Variants in CD5L observed in about 807,000 individuals in gnomAD.
CD5L encodes the protein CD5 antigen-like.
Under a neutral mutation model 40.8 loss-of-function variants are expected in CD5L, and 39 were observed. The observed-to-expected ratio is 0.96, with a 90% CI of 0.74 to 1.25. The LOEUF (loss-of-function observed/expected upper bound fraction) is 1.25. Ranked by LOEUF, CD5L falls within the 50% of genes most tolerant of loss-of-function variation. The probability of loss-of-function intolerance (pLI) is 0.00; values close to 1 mark genes in which losing one functional copy is unlikely to be tolerated. For synonymous variants in CD5L, 192 were observed against 169.6 expected (o/e 1.13, Z -1.03); for missense variants, 433 against 435.9 (o/e 0.99, Z 0.06).
intron 2 of CD5L, among the ~76,000 whole-genome samples, chr1:157,838,907 C>T (rs1189431397): frequency 6.6e-6 from 1 of 152,150 alleles, no homozygotes; most frequent in East Asian, 1.9e-4. Flanking sequence ...TTGTGCATTA[C>T]CCAAAGACTC....
At position 157,831,760 on chromosome 1, in the gene CD5L, C is replaced by T; in HGVS notation, c.*204G>A. The T allele has an allele frequency of 1.6e-6, 2 of 1,279,474 alleles. No homozygotes were observed. The highest frequency in any genetic ancestry group is 2.0e-6 in the Non-Finnish European group (2 of 1,008,110). The allele number at this position is 1,279,474 out of a possible 1,614,324, so 79.3% of individuals were successfully genotyped here. On this transcript the variant is annotated 3_prime_UTR_variant, in exon 6 of 6. Transcript: ENST00000368174. Reference sequence around the variant, plus strand: ...GCTCATCTTCCCCAGCAAGAGGGAACTCAACAGCTCACATCTACAGGCAGC... The same window carrying T: ...GCTCATCTTCCCCAGCAAGAGGGAATTCAACAGCTCACATCTACAGGCAGC...
chr1:157,827,175 A>G (rs1264639712), downstream of CD5L, among the ~76,000 whole-genome samples: 1 of 152,066 alleles, frequency 6.6e-6, no homozygotes, highest in East Asian at 1.9e-4. Flanking sequence ...AATTCAGAAA[A>G]TTTATCCTTA....
intron 5 of CD5L, 27 bp from the exon 6 acceptor site, chr1:157,831,995 A>G (rs757671377): frequency 1.6e-5 from 24 of 1,523,414 alleles, no homozygotes; most frequent in Middle Eastern, 3.4e-4. Flanking sequence ...AAAATGCAGT[A>G]AGGATGGGTA....
downstream of CD5L, among the ~76,000 whole-genome samples, chr1:157,828,398 C>CA (rs1655958987): frequency 6.6e-6 from 1 of 152,172 alleles, no homozygotes; most frequent in Non-Finnish European, 1.5e-5. Flanking sequence ...CTGTGATGGA[C>CA]AGGTCCTATG....
chr1:157,834,611 C>G lies in CD5L; in HGVS notation c.514G>C (p.Ala172Pro), dbSNP rs747471540. The G allele has an allele frequency of 1.2e-6, 2 of 1,614,068 alleles. No homozygotes were observed. Among genetic ancestry groups the G allele is most frequent in the African/African-American group, 2.7e-5 (2 of 74,940 alleles). Residue 172 changes from alanine to proline, a missense_variant, in exon 4 of 6, where the codon GCA becomes CCA. Ala to Pro is a conservative substitution (Grantham distance 27, BLOSUM62 -1). Transcript: ENST00000368174. ...VCQTGWSLRAAKVVCRQLGCG... is the reference protein window; with the variant it reads ...VCQTGWSLRAPKVVCRQLGCG... Reference sequence around the variant, plus strand: ...CCCAGCTGCCGGCACACCACCTTTGCGGCCCGGAGGCTCCAGCCTGTCTGG... The same window carrying G: ...CCCAGCTGCCGGCACACCACCTTTGGGGCCCGGAGGCTCCAGCCTGTCTGG...
At position 157,833,160 on chromosome 1, in the gene CD5L, C is replaced by T. The variant is rs775274771; in HGVS notation, c.1039+32G>A. The T allele has an allele frequency of 2.6e-6, 4 of 1,534,898 alleles. No individual in the cohort carries two copies. The East Asian group carries it at 9.0e-5, about 35-fold the overall frequency. ...CCTCTTCCTTTATCATCCTCCTTGC[C>T]AGCCCTTATGAACTCCATCTGTAGG... is the stretch of plus-strand genomic sequence containing the variant. On this transcript the variant is annotated intron_variant, in intron 5 of 5. Coordinates refer to ENST00000368174, the MANE Select transcript of CD5L (RefSeq NM_005894.3).
At chr1:157,834,348 T>G in intron 4 of CD5L, 59 bp downstream of exon 4, 686 of 1,380,604 alleles carry the variant, frequency 5.0e-4, no homozygotes, top group Non-Finnish European at 6.2e-4. Flanking sequence ...ACTGTTTGAA[T>G]GAGATTCCAC....
Position 157,834,524 on chromosome 1 carries a change from T to A in CD5L, c.601A>T (p.Ile201Phe). The change falls in exon 4 of 6, where the codon ATC (isoleucine) becomes TTC (phenylalanine). Residue 201 changes from isoleucine (I) to phenylalanine (F), a missense_variant. Ile to Phe is a conservative substitution (Grantham distance 21). Transcript: ENST00000368174. ...CNKHAYGRKP[I>F]WLSQMSCSGR... is the part of the protein sequence containing the mutation. ...GAGCATGACATCTGGCTCAGCCAGA[T>A]GGGTTTTCGGCCATAGGCATGCTTG... 1 of 1,614,222 alleles carries A rather than the reference T, an allele frequency of 6.2e-7. No individual in the cohort carries two copies. Among genetic ancestry groups the A allele is most frequent in the Non-Finnish European group, 8.5e-7 (1 of 1,180,030 alleles).
At chr1:157,833,533 T>C (rs553388318) in intron 4 of CD5L, 21 bp from the exon 5 acceptor site, 1 of 1,575,372 alleles carries the variant, frequency 6.3e-7, no homozygotes, top group Non-Finnish European at 8.7e-7. Flanking sequence ...GGGGAGGAAG[T>C]CAGGGGTTGG....
chr1:157,838,071 T>G (rs567576647), intron 2 of CD5L, among the ~76,000 whole-genome samples: 1 of 152,262 alleles, frequency 6.6e-6, no homozygotes, highest in Admixed American at 6.5e-5. Flanking sequence ...CCACCACGCC[T>G]GGCCTAATCT....
rs1192818011 is a variant in CD5L, at chr1:157,834,524, T to C, written c.601A>G (p.Ile201Val). 3 of 1,614,222 alleles carry C rather than the reference T, an allele frequency of 1.9e-6. No homozygotes were observed. Among genetic ancestry groups the C allele is most frequent in the East Asian group, 4.5e-5 (2 of 44,888 alleles). The change falls in exon 4 of 6, where the codon ATC becomes GTC. Residue 201 changes from isoleucine (I) to valine (V), a missense_variant. Transcript: ENST00000368174. Reference sequence around the variant, plus strand: ...GAGCATGACATCTGGCTCAGCCAGATGGGTTTTCGGCCATAGGCATGCTTG... The same window carrying C: ...GAGCATGACATCTGGCTCAGCCAGACGGGTTTTCGGCCATAGGCATGCTTG... ...CNKHAYGRKP[I>V]WLSQMSCSGR...
Position 157,831,341 on chromosome 1 carries a change from G to A in CD5L, c.*623C>T. 10 of 985,224 alleles carry A rather than the reference G, an allele frequency of 1.0e-5. No individual in the cohort carries two copies. Among genetic ancestry groups the A allele is most frequent in the Non-Finnish European group, 1.2e-5 (10 of 829,910 alleles). The allele number at this position is 985,224 out of a possible 1,614,324, so 61.0% of individuals were successfully genotyped here. On this transcript the variant is annotated 3_prime_UTR_variant, in exon 6 of 6. Transcript: ENST00000368174. ...TTTTACACGTCATGAAAAGGTCTAG[G>A]ATTATAGGACGCTGCTCTGCTCCTG...
chr1:157,841,759 C>T lies in CD5L; in HGVS notation c.-58G>A. 20 of 1,494,456 alleles carry T rather than the reference C, an allele frequency of 1.3e-5. No homozygotes were observed. Among genetic ancestry groups the T allele is most frequent in the Non-Finnish European group, 1.9e-5 (20 of 1,076,440 alleles). 92.6% of individuals were successfully genotyped at this position (1,494,456 alleles called of 1,614,324 possible). On this transcript the variant is annotated 5_prime_UTR_variant, in exon 1 of 6. Coordinates refer to ENST00000368174, the MANE Select transcript of CD5L (RefSeq NM_005894.3). ...TTAAGGCTAGAAGGAGGTCCCCAAG[C>T]AGCAATATTTAGTTTTAGCTGCAAG...
intron 3 of CD5L, among the ~76,000 whole-genome samples, chr1:157,835,063 A>G (rs1465833280): frequency 6.6e-6 from 1 of 152,266 alleles, no homozygotes; most frequent in Non-Finnish European, 1.5e-5. Flanking sequence ...ACAATAACAT[A>G]CAAGATATAT....
At chr1:157,834,255 T>C in intron 4 of CD5L, 152 bp downstream of exon 4, 1 of 674,252 alleles carries the variant, frequency 1.5e-6, no homozygotes, top group South Asian at 2.0e-5. Flanking sequence ...ATTATCTCCA[T>C]TTGAAAAACA....
rs1656105592 is a variant in CD5L, at chr1:157,833,470, G to A, written c.761C>T (p.Ser254Phe). The A allele has an allele frequency of 6.2e-7, 1 of 1,613,952 alleles. No individual in the cohort carries two copies. Among genetic ancestry groups the A allele is most frequent in the Non-Finnish European group, 8.5e-7 (1 of 1,179,948 alleles). Residue 254 changes from serine to phenylalanine, a missense_variant, in exon 5 of 6, where the codon TCT (serine) becomes TTT (phenylalanine). Ser to Phe is a radical substitution (Grantham distance 155). Coordinates refer to ENST00000368174, the MANE Select transcript of CD5L (RefSeq NM_005894.3). ...LRLVGGDNLC[S>F]GRLEVLHKGV... ...CTTGTGCAGCACCTCCAGTCGCCCA[G>A]AGCAGAGGTTGTCTCCTCCTACTAG...
downstream of CD5L, among the ~76,000 whole-genome samples, chr1:157,829,802 C>T (rs1220389613): frequency 1.3e-5 from 2 of 152,058 alleles, no homozygotes; most frequent in Non-Finnish European, 2.9e-5. Flanking sequence ...TATTATGTAC[C>T]ATACAGCAGT....
intron 2 of CD5L, among the ~76,000 whole-genome samples, chr1:157,838,780 A>G (rs1656287675): frequency 6.6e-6 from 1 of 152,064 alleles, no homozygotes; most frequent in Non-Finnish European, 1.5e-5. Context: ...AGTCTCTATG[A>G]TCAAGCAGAA....
chr1:157,833,123 C>G lies in CD5L; in HGVS notation c.1039+69G>C, dbSNP rs376751867. ...AAAATACCCTTTTCCCCAGAGTACA[C>G]CCCCATCATTTCCTCTTCCTTTATC... On this transcript the variant is annotated intron_variant, in intron 5 of 5. Transcript: ENST00000368174. 2.4e-6 allele frequency: 3 copies of G among 1,230,736 alleles called. No individual in the cohort carries two copies. The East Asian group carries it at 7.0e-5, about 29-fold the overall frequency. 76.2% of individuals were successfully genotyped at this position (1,230,736 alleles called of 1,614,324 possible).
Sources: allele counts gnomAD v4.1 joint callset (sites outside exome capture counted in the v4.1 genomes callset), GRCh38; gene constraint gnomAD v4.1.1; transcripts MANE v1.5; gene names NCBI Gene and HGNC (gene_info 2026-07-23, HGNC 2026-07-21).